Variants in CKAP2 observed in about 807,000 individuals in gnomAD.
The protein encoded by CKAP2 is cytoskeleton associated protein 2, also known as cytoskeleton-associated protein 2.
In CKAP2, 46 loss-of-function variants were observed where a neutral mutation model predicts 58.4. The observed-to-expected ratio is 0.79, with a 90% confidence interval of 0.62 to 1.01. The LOEUF (loss-of-function observed/expected upper bound fraction) is 1.01, where lower values mean the gene tolerates loss of function less well. CKAP2 is among the 50% of genes least tolerant of loss of function. The pLI is 0.00. For missense variants in CKAP2, 809 were observed against 796.4 expected, an observed-to-expected ratio of 1.02 and a Z score of -0.19; for synonymous variants, 293 against 280.9, an observed-to-expected ratio of 1.04 and a Z score of -0.43.
Position 52,475,353 on chromosome 13 carries a change from CTGAGTTTTTT to C in CKAP2, c.*213_*222del, listed in dbSNP as rs1566107163. The C allele has an allele frequency of 3.4e-5, 19 of 558,576 alleles. No individual in the cohort carries two copies. Among genetic ancestry groups the C allele is most frequent in the Non-Finnish European group, 2.9e-6 (1 of 340,402 alleles). 34.6% of individuals were successfully genotyped at this position (558,576 alleles called of 1,614,324 possible). On this transcript the variant is annotated 3_prime_UTR_variant, in exon 9 of 9. Coordinates refer to ENST00000258607, the MANE Select transcript of CKAP2 (RefSeq NM_018204.5). ...ATCCTACCTTGTCAGTTTCAACCAACTGAGTTTTTTCTTTAAGAAAGGTAAATTTTGTCAG... is the reference window on the plus strand; with the variant it reads ...ATCCTACCTTGTCAGTTTCAACCAACCTTTAAGAAAGGTAAATTTTGTCAG...
intron 6 of CKAP2, among the ~76,000 whole-genome samples, chr13:52,466,012 T>C (rs890388425): frequency 5.9e-5 from 9 of 151,622 alleles, no homozygotes; most frequent in African/African-American, 1.9e-4. Context: ...TATACACACA[T>C]ACACATATAT....
Position 52,476,020 on chromosome 13 carries a change from CAT to C in CKAP2, c.*881_*882del, listed in dbSNP as rs907460929. 1.3e-5 allele frequency: 2 copies of C among 152,148 alleles called. No individual in the cohort carries two copies. The highest frequency in any genetic ancestry group is 2.9e-5 in the Non-Finnish European group (2 of 68,034). 9.4% of individuals were successfully genotyped at this position (152,148 alleles called of 1,614,324 possible). A position where few individuals can be genotyped will look rare whatever the true frequency, so the allele number is the denominator to read the frequency against. ...CTAATACTTGTTTTCTTCCCTATAA[CAT>C]AAAAAACTTCACTGTTAAGTCATGT... On this transcript the variant is annotated 3_prime_UTR_variant, in exon 9 of 9. Coordinates refer to ENST00000258607, the MANE Select transcript of CKAP2 (RefSeq NM_018204.5).
rs903237873 is a variant in CKAP2, at chr13:52,470,577, T to C, written c.1546+2230T>C. ...CTAAAGTTCTAAATTAAGTATGTTA[T>C]GTAAGCTTTTGATTACATGTATTAA... On this transcript the variant is annotated intron_variant, in intron 7 of 8. Coordinates refer to ENST00000258607, the MANE Select transcript of CKAP2 (RefSeq NM_018204.5). 2.0e-5 allele frequency among the ~76,000 whole-genome samples: 3 copies of C among 152,300 alleles called. No homozygotes were observed. In the South Asian group the frequency reaches 6.2e-4, roughly 32 times the overall value.
At chr13:52,459,838 A>G (rs1038593047) in intron 2 of CKAP2, among the ~76,000 whole-genome samples, 6 of 151,756 alleles carry the variant, frequency 4.0e-5, no homozygotes, top group African/African-American at 1.5e-4. Context: ...TTGAGGAGGG[A>G]TTTTCTTTGC....
chr13:52,471,828 G>A lies in CKAP2; in HGVS notation c.1547-2001G>A, dbSNP rs115389976. Among the ~76,000 whole-genome samples the A allele has an allele frequency of 5.4e-3, 818 of 152,116 alleles. 2 individuals carry two copies. The highest frequency in any genetic ancestry group is 0.018 in the African/African-American group (752 of 41,488). Reference sequence around the variant, plus strand: ...TTTGTATAGTCAAGATGACCTACACGCTTACCTAGACTATAACAGTGGTCT... The same window carrying A: ...TTTGTATAGTCAAGATGACCTACACACTTACCTAGACTATAACAGTGGTCT... On this transcript the variant is annotated intron_variant, in intron 7 of 8. Transcript: ENST00000258607.
chr13:52,469,371 CTGTGATCTGT>C (rs1313697861), intron 7 of CKAP2, among the ~76,000 whole-genome samples: 2 of 152,032 alleles, frequency 1.3e-5, no homozygotes, highest in Non-Finnish European at 2.9e-5. Flanking sequence ...CTGTTAAATT[CTGTGATCTGT>C]TGTGTTGGCT....
At chr13:52,456,281 T>A in intron 1 of CKAP2, 1 of 798,274 alleles carries the variant, frequency 1.3e-6, no homozygotes, top group Non-Finnish European at 1.7e-6. Flanking sequence ...CTCCAGATTT[T>A]TCACAGGGAG....
intron 8 of CKAP2, 98 bp from the exon 9 acceptor site, chr13:52,474,797 T>C (rs1459502555): frequency 1.7e-6 from 2 of 1,193,482 alleles, no homozygotes; most frequent in African/African-American, 3.1e-5. Flanking sequence ...TTTACCTGCT[T>C]ATAACATACA....
At chr13:52,464,553 C>CAAAAAAAAAAAA (rs66481844) in intron 5 of CKAP2, among the ~76,000 whole-genome samples, 1 of 80,128 alleles carries the variant, frequency 1.2e-5, no homozygotes, top group African/African-American at 5.5e-5. Flanking sequence ...AACTCCGTCT[C>CAAAAAAAAAAAA]AAAAAAAAAA....
chr13:52,466,339 T>C (rs1482168755), intron 6 of CKAP2, among the ~76,000 whole-genome samples: 1 of 152,226 alleles, frequency 6.6e-6, no homozygotes, highest in African/African-American at 2.4e-5. Context: ...GATAATTTTT[T>C]AAAACTCCCT....
At chr13:52,462,737 C>G (rs1324909070) in intron 5 of CKAP2, among the ~76,000 whole-genome samples, 170 bp downstream of exon 5, 1 of 152,194 alleles carries the variant, frequency 6.6e-6, no homozygotes, top group African/African-American at 2.4e-5. Context: ...GCGAGATACA[C>G]TGCTTCATTC....
intron 7 of CKAP2, among the ~76,000 whole-genome samples, chr13:52,470,155 G>T (rs1430824010): frequency 6.6e-6 from 1 of 150,768 alleles, no homozygotes; most frequent in Non-Finnish European, 1.5e-5. Flanking sequence ...GCCCAGGCTG[G>T]AGTTCAGTGG....
chr13:52,461,034 A>G (rs376601366), intron 3 of CKAP2, 24 bp from the exon 4 acceptor site: 280 of 1,601,996 alleles, frequency 1.7e-4, no homozygotes, highest in Non-Finnish European at 2.3e-4. Flanking sequence ...TTTCCTAAAC[A>G]CTTTTCTTAA....
Position 52,455,493 on chromosome 13 carries a change from G to A in CKAP2, c.-64G>A. ...TAGCCGCGGTGCAGACTGCGGCGGC[G>A]GTGGTCTGAGGAAGTTCTATCTTGG... is the stretch of plus-strand genomic sequence containing the variant. On this transcript the variant is annotated 5_prime_UTR_variant, in exon 1 of 9. Coordinates refer to ENST00000258607, the MANE Select transcript of CKAP2 (RefSeq NM_018204.5). The A allele has an allele frequency of 1.3e-6, 2 of 1,591,716 alleles. No homozygotes were observed. The highest frequency in any genetic ancestry group is 2.2e-5 in the South Asian group (2 of 90,666).
In CKAP2 at chr13:52,465,323, C is replaced by T. The variant is rs984765620; in HGVS notation, c.1334C>T (p.Thr445Ile). The T allele has an allele frequency of 1.4e-5, 23 of 1,612,958 alleles. No homozygotes were observed. Among genetic ancestry groups the T allele is most frequent in the Non-Finnish European group, 1.9e-5 (23 of 1,179,536 alleles). ...EGCPKEDILVTLNDLIKNIPD... is the reference protein window; with the variant it reads ...EGCPKEDILVILNDLIKNIPD... Reference sequence around the variant, plus strand: ...TGTCCAAAAGAAGATATACTGGTCACACTGAATGACCTGATTAAAAATATT... The same window carrying T: ...TGTCCAAAAGAAGATATACTGGTCATACTGAATGACCTGATTAAAAATATT... The change falls in exon 6 of 9, where the codon ACA becomes ATA. Residue 445 changes from threonine (T) to isoleucine (I), a missense_variant. Thr to Ile is a moderately conservative substitution (Grantham distance 89, BLOSUM62 -1). Transcript: ENST00000258607.
In CKAP2 at chr13:52,474,992, A is replaced by T. The variant is rs775706071; in HGVS notation, c.1900A>T (p.Thr634Ser). ...VRRSRRLQEK[T>S]SKLPDMLKDH... ...ACGTTCTCGACGTCTTCAAGAGAAA[A>T]CTTCTAAATTGCCAGATATGTTAAA... Residue 634 changes from threonine to serine, a missense_variant, in exon 9 of 9, where the codon ACT becomes TCT. Coordinates refer to ENST00000258607, the MANE Select transcript of CKAP2 (RefSeq NM_018204.5). 8 of 1,614,150 alleles carry T rather than the reference A, an allele frequency of 5.0e-6. No homozygotes were observed. The highest frequency in any genetic ancestry group is 4.0e-5 in the African/African-American group (3 of 75,044).
At chr13:52,456,173 A>G in intron 1 of CKAP2, 3 of 1,055,612 alleles carry the variant, frequency 2.8e-6, no homozygotes, top group Non-Finnish European at 3.4e-6. Context: ...CATCTAACCC[A>G]GTTCTGGTAA....
At position 52,460,958 on chromosome 13, in the gene CKAP2, A is replaced by C. The variant is rs753167885; in HGVS notation, c.215A>C (p.Lys72Thr). Residue 72 changes from lysine to threonine, a missense_variant, in exon 3 of 9, where the codon AAA (lysine) becomes ACA (threonine). Physicochemically the swap from Lys to Thr is moderately conservative, Grantham distance 78. This residue lies in a region of CKAP2 where 523 missense variants were observed against 492.4 expected (regional missense o/e 1.06). Coordinates refer to ENST00000258607, the MANE Select transcript of CKAP2 (RefSeq NM_018204.5). Reference sequence around the variant, plus strand: ...GTTCAAGAAGGGACTAAAGTGCTGAAACTTAAAACAAAAATGGTAAGATGT... The same window carrying C: ...GTTCAAGAAGGGACTAAAGTGCTGACACTTAAAACAAAAATGGTAAGATGT... ...DQVQEGTKVL[K>T]LKTKMADKEN... is the part of the protein sequence containing the mutation. 29 of 1,613,430 alleles carry C rather than the reference A, an allele frequency of 1.8e-5. No individual in the cohort carries two copies.
chr13:52,455,500 T>G lies in CKAP2; in HGVS notation c.-57T>G. 7 of 1,603,458 alleles carry G rather than the reference T, an allele frequency of 4.4e-6. No individual in the cohort carries two copies. The highest frequency in any genetic ancestry group is 2.2e-5 in the East Asian group (1 of 44,752). On this transcript the variant is annotated 5_prime_UTR_variant, in exon 1 of 9. Transcript: ENST00000258607. ...GGTGCAGACTGCGGCGGCGGTGGTC[T>G]GAGGAAGTTCTATCTTGGCGCTAAA...
Sources: gnomAD v4.1 joint callset for allele counts (sites outside exome capture counted in the v4.1 genomes callset) on GRCh38, gnomAD v4.1.1 for gene constraint, gnomAD v4.1.1 regional missense constraint, MANE v1.5 for transcripts, NCBI Gene and HGNC (gene_info 2026-07-23, HGNC 2026-07-21) for gene names.